The following RCL1 variants were observed in gnomAD, a reference collection of about 807,000 sequenced individuals.
The protein encoded by RCL1 is RNA 3'-terminal phosphate cyclase-like protein.
Under a neutral mutation model 42.4 loss-of-function variants are expected in RCL1, and 24 were observed. That is an observed-to-expected ratio of 0.57 (90% CI 0.41 to 0.80). The LOEUF (loss-of-function observed/expected upper bound fraction) is 0.80. RCL1 is among the 30% of genes least tolerant of loss of function. The pLI is 0.00. For synonymous variants in RCL1, 228 were observed against 177.3 expected (o/e 1.29, Z -2.27); for missense variants, 578 against 467.9 (o/e 1.24, Z -2.17).
intron 1 of RCL1, among the ~76,000 whole-genome samples, chr9:4,807,630 C>T (rs1816022962): frequency 6.6e-6 from 1 of 152,170 alleles, no homozygotes; most frequent in Non-Finnish European, 1.5e-5. Context: ...AGTGATTCTC[C>T]TGCCTCAGCC....
chr9:4,829,115 A>C (rs1816867051), intron 3 of RCL1, among the ~76,000 whole-genome samples: 1 of 152,202 alleles, frequency 6.6e-6, no homozygotes, highest in South Asian at 2.1e-4. Flanking sequence ...CTGGGAACTC[A>C]TTTAGAGAGA....
At chr9:4,852,732 C>CCT (rs1563859702) in intron 8 of RCL1, among the ~76,000 whole-genome samples, 1 of 151,052 alleles carries the variant, frequency 6.6e-6, no homozygotes, top group African/African-American at 2.4e-5. Context: ...CTGGACACCC[C>CCT]TTCACCCTGC....
At chr9:4,807,828 C>G (rs746918224) in intron 1 of RCL1, among the ~76,000 whole-genome samples, 2 of 152,110 alleles carry the variant, frequency 1.3e-5, no homozygotes, top group Non-Finnish European at 2.9e-5. Flanking sequence ...AGCTATGGGT[C>G]ATTTATAAGT....
At chr9:4,799,250 A>G (rs1417058136) in intron 1 of RCL1, among the ~76,000 whole-genome samples, 1 of 152,028 alleles carries the variant, frequency 6.6e-6, no homozygotes, top group African/African-American at 2.4e-5. Context: ...CTGAGATTAC[A>G]GGCAAGAGCC....
At chr9:4,816,835 G>C (rs1039895658) in intron 1 of RCL1, among the ~76,000 whole-genome samples, 4 of 151,492 alleles carry the variant, frequency 2.6e-5, no homozygotes, top group African/African-American at 9.7e-5. Context: ...TTATTTTTTT[G>C]AGATGGAGTC....
At chr9:4,849,770 C>T (rs1487494512) in intron 8 of RCL1, among the ~76,000 whole-genome samples, 3 of 152,196 alleles carry the variant, frequency 2.0e-5, no homozygotes, top group African/African-American at 7.2e-5. Flanking sequence ...ACTGAAATTG[C>T]ATGATCTCTA....
At chr9:4,839,570 T>C in intron 5 of RCL1, 2 of 703,910 alleles carry the variant, frequency 2.8e-6, no homozygotes, top group Non-Finnish European at 3.5e-6. Flanking sequence ...CCAAAGGGTA[T>C]GAGATTCAGG....
chr9:4,827,657 A>T (rs1010198725), intron 3 of RCL1, among the ~76,000 whole-genome samples: 1 of 151,968 alleles, frequency 6.6e-6, no homozygotes, highest in Non-Finnish European at 1.5e-5. Context: ...TTCTGCAGAT[A>T]TGGGGAGAAT....
chr9:4,820,969 AT>A (rs905081906), intron 1 of RCL1, among the ~76,000 whole-genome samples: 49 of 152,010 alleles, frequency 3.2e-4, no homozygotes, highest in Admixed American at 2.2e-3. Flanking sequence ...TTCTGTTCTA[AT>A]TTTTTTTAAT....
intron 1 of RCL1, among the ~76,000 whole-genome samples, chr9:4,818,698 T>C (rs1816481480): frequency 1.3e-5 from 2 of 152,098 alleles, no homozygotes; most frequent in East Asian, 1.9e-4. Context: ...CTGTCCGGCA[T>C]GGTGAAACCC....
At chr9:4,803,628 G>A (rs954847623) in intron 1 of RCL1, among the ~76,000 whole-genome samples, 4 of 151,700 alleles carry the variant, frequency 2.6e-5, no homozygotes, top group Admixed American at 2.0e-4. Context: ...AATTTTTCTT[G>A]ATTATTCACT....
chr9:4,840,742 C>T (rs1489655325), intron 5 of RCL1, among the ~76,000 whole-genome samples: 1 of 152,200 alleles, frequency 6.6e-6, no homozygotes, highest in Admixed American at 6.5e-5. Flanking sequence ...CTTCTCCCAT[C>T]AGCATACCAG....
intron 3 of RCL1, among the ~76,000 whole-genome samples, chr9:4,831,814 A>T (rs996226954): frequency 6.6e-6 from 1 of 152,178 alleles, no homozygotes; most frequent in African/African-American, 2.4e-5. Flanking sequence ...CTGATATCAC[A>T]ATATTTAGTT....
chr9:4,847,654 C>G (rs1225998347), intron 7 of RCL1, among the ~76,000 whole-genome samples: 6 of 152,218 alleles, frequency 3.9e-5, no homozygotes, highest in East Asian at 3.8e-4. Context: ...CTGATCTGAT[C>G]TCTTCACTCA....
At chr9:4,853,384 C>T (rs767905813) in intron 8 of RCL1, among the ~76,000 whole-genome samples, 8 of 150,886 alleles carry the variant, frequency 5.3e-5, no homozygotes, top group Admixed American at 2.0e-4. Flanking sequence ...TGCAGTGGCG[C>T]GATCTCAGCT....
chr9:4,797,960 ATTAAGT>A (rs149328650), intron 1 of RCL1, among the ~76,000 whole-genome samples: 2,108 of 152,318 alleles, frequency 0.014, 45 homozygotes, highest in African/African-American at 0.047. Flanking sequence ...AACATGAACA[ATTAAGT>A]TTATCTCATT....
chr9:4,835,369 C>A (rs1039445183), intron 5 of RCL1, among the ~76,000 whole-genome samples: 3 of 152,124 alleles, frequency 2.0e-5, no homozygotes, highest in Admixed American at 2.0e-4. Flanking sequence ...GAGGAGTTAG[C>A]ATTGGGGTGG....
chr9:4,805,615 G>A (rs759044709), intron 1 of RCL1, among the ~76,000 whole-genome samples: 1 of 152,216 alleles, frequency 6.6e-6, no homozygotes, highest in Non-Finnish European at 1.5e-5. Flanking sequence ...TGACTCATCA[G>A]TTCCCTCATG....
At chr9:4,824,600 A>G (rs557330218) in intron 2 of RCL1, among the ~76,000 whole-genome samples, 2 of 152,168 alleles carry the variant, frequency 1.3e-5, no homozygotes, top group Non-Finnish European at 2.9e-5. Flanking sequence ...AACTGTGGCA[A>G]ACATCCGTTG....
Sources: gnomAD v4.1 joint callset for allele counts (sites outside exome capture counted in the v4.1 genomes callset) on GRCh38, gnomAD v4.1.1 for gene constraint, MANE v1.5 for transcripts, NCBI Gene and HGNC (gene_info 2026-07-23, HGNC 2026-07-21) for gene names.